The following KIAA1549L variants were observed in gnomAD, a reference collection of about 807,000 sequenced individuals.
KIAA1549L encodes UPF0606 protein KIAA1549L.
A neutral mutation model predicts 160.7 loss-of-function variants in KIAA1549L; 88 were observed. That is an observed-to-expected ratio of 0.55 (90% CI 0.46 to 0.65). KIAA1549L has a LOEUF of 0.65. KIAA1549L is among the 30% of genes least tolerant of loss of function. The pLI is 0.00. For missense variants in KIAA1549L, 2,258 were observed against 2,437.5 expected (o/e 0.93, Z 1.55); for synonymous variants, 950 against 976.7 (o/e 0.97, Z 0.51).
chr11:33,602,064 ATAATAC>A (rs1850380677), intron 13 of KIAA1549L, among the ~76,000 whole-genome samples: 1 of 152,244 alleles, frequency 6.6e-6, no homozygotes, highest in Admixed American at 6.5e-5. Context: ...ATTTTTGAAA[ATAATAC>A]ATATCTTTGC....
At chr11:33,474,628 C>T (rs1176075306) in intron 1 of KIAA1549L, among the ~76,000 whole-genome samples, 1 of 152,190 alleles carries the variant, frequency 6.6e-6, no homozygotes, top group Non-Finnish European at 1.5e-5. Flanking sequence ...TTTAACTGCC[C>T]CTTGGGCTCC....
chr11:33,654,060 A>G (rs1346892279), intron 17 of KIAA1549L, among the ~76,000 whole-genome samples: 1 of 151,990 alleles, frequency 6.6e-6, no homozygotes, highest in Admixed American at 6.5e-5. Context: ...GCAACCCCCA[A>G]CTTCTGGATT....
At position 33,665,192 on chromosome 11, in the gene KIAA1549L, T is replaced by A. The variant is rs1050440609; in HGVS notation, c.6160-2681T>A. The A allele has an allele frequency of 2.6e-5, 4 of 152,348 alleles. No individual in the cohort carries two copies. The East Asian group carries it at 7.7e-4, about 29-fold the overall frequency. The allele number at this position is 152,348 out of a possible 1,614,324, so 9.4% of individuals were successfully genotyped here. On this transcript the variant is annotated intron_variant, in intron 20 of 20. Coordinates refer to ENST00000658780, the MANE Select transcript of KIAA1549L (RefSeq NM_012194.3). The stretch of plus-strand genomic sequence containing the variant: ...GTTCTTGTCCTGGGTCCAGGAAGAA[T>A]AAGGTATGCAGACACATGAAAGGTG...
chr11:33,505,146 G>A (rs1189052512), intron 1 of KIAA1549L, among the ~76,000 whole-genome samples: 2 of 152,216 alleles, frequency 1.3e-5, no homozygotes, highest in African/African-American at 2.4e-5. Flanking sequence ...TCTAACAATA[G>A]CACTCTGAAG....
At chr11:33,611,361 CTT>C (rs1217339151) in intron 15 of KIAA1549L, among the ~76,000 whole-genome samples, 1 of 152,184 alleles carries the variant, frequency 6.6e-6, no homozygotes, top group East Asian at 1.9e-4. Context: ...GCAAAAATGA[CTT>C]TGTGACAGGC....
intron 1 of KIAA1549L, among the ~76,000 whole-genome samples, chr11:33,529,474 T>A (rs1430683743): frequency 2.6e-5 from 4 of 152,236 alleles, no homozygotes; most frequent in Admixed American, 2.6e-4. Flanking sequence ...ATGTTCCAAA[T>A]ACTCTTAAAG....
chr11:33,552,335 C>A, intron 6 of KIAA1549L, 94 bp downstream of exon 6: 1 of 1,348,762 alleles, frequency 7.4e-7, no homozygotes, highest in Non-Finnish European at 1.0e-6. Flanking sequence ...TTCAGAGCTA[C>A]CATGTATAAA....
chr11:33,589,467 G>A (rs1044160671), intron 11 of KIAA1549L, among the ~76,000 whole-genome samples: 8 of 152,334 alleles, frequency 5.3e-5, no homozygotes, highest in African/African-American at 1.7e-4. Context: ...GCATACGTAT[G>A]TTTATTGCGG....
rs1275507049 is a variant in KIAA1549L, at chr11:33,376,776, G to C, written c.125G>C (p.Gly42Ala). The C allele has an allele frequency of 6.6e-6, 1 of 151,816 alleles. No individual in the cohort carries two copies. Among genetic ancestry groups the C allele is most frequent in the Non-Finnish European group, 1.5e-5 (1 of 68,042 alleles). 9.4% of individuals were successfully genotyped at this position (151,816 alleles called of 1,614,324 possible). A position where few individuals can be genotyped will look rare whatever the true frequency, so the allele number is the denominator to read the frequency against. ...GCCTGGGGAGCCGCGCGCTGCACGG[G>C]TGTGAGGGGCCCCGGGGCCGGCGCG... is the stretch of plus-strand genomic sequence containing the variant. The part of the protein sequence containing the change: ...RAAWGAARCT[G>A]VRGPGAGASH... Residue 42 changes from glycine to alanine, a missense_variant, in exon 1 of 21, where the codon GGT becomes GCT. Gly to Ala is a moderately conservative substitution (Grantham distance 60). Coordinates refer to ENST00000658780, the MANE Select transcript of KIAA1549L (RefSeq NM_012194.3). The surrounding 1 kb of genome is among the most constrained non-coding windows in gnomAD (Gnocchi z 5.8).
intron 1 of KIAA1549L, among the ~76,000 whole-genome samples, chr11:33,487,439 T>C (rs1852555842): frequency 6.7e-6 from 1 of 149,126 alleles, no homozygotes; most frequent in African/African-American, 2.5e-5. Flanking sequence ...TATTCTTGTA[T>C]CCTTAGCAGC....
At chr11:33,585,414 AG>A (rs1368506788) in intron 11 of KIAA1549L, among the ~76,000 whole-genome samples, 1 of 152,168 alleles carries the variant, frequency 6.6e-6, no homozygotes, top group East Asian at 1.9e-4. Context: ...GCTACTCAGG[AG>A]GCTGAGGCAG....
intron 12 of KIAA1549L, among the ~76,000 whole-genome samples, chr11:33,592,118 G>A (rs557291859): frequency 4.6e-5 from 7 of 152,200 alleles, no homozygotes; most frequent in Admixed American, 1.3e-4. Flanking sequence ...GGAGAGAAAA[G>A]GGACAGGTTT....
chr11:33,643,343 A>ACTAC (rs1202885116), intron 16 of KIAA1549L, among the ~76,000 whole-genome samples: 1 of 152,230 alleles, frequency 6.6e-6, no homozygotes, highest in South Asian at 2.1e-4. Context: ...CACCCCCAGT[A>ACTAC]CTACCCCACC....
At position 33,557,863 on chromosome 11, in the gene KIAA1549L, C is replaced by T. The variant is rs74509434; in HGVS notation, c.3856-1886C>T. On this transcript the variant is annotated intron_variant, in intron 6 of 20. Coordinates refer to ENST00000658780, the MANE Select transcript of KIAA1549L (RefSeq NM_012194.3). ...AATAAGGTCACTGCACTTCAGTCTG[C>T]GGGACAGAGTGAGACCCTGTCTCTA... Among the ~76,000 whole-genome samples the T allele has an allele frequency of 7.3e-5, 11 of 151,396 alleles. No individual in the cohort carries two copies. In the South Asian group the frequency reaches 8.4e-4, roughly 12 times the overall value.
At chr11:33,605,145 A>G (rs1850464441) in intron 13 of KIAA1549L, among the ~76,000 whole-genome samples, 1 of 145,416 alleles carries the variant, frequency 6.9e-6, no homozygotes, top group Non-Finnish European at 1.5e-5. Flanking sequence ...GGTGGAAGTC[A>G]TGAGTTTTTG....
intron 1 of KIAA1549L, among the ~76,000 whole-genome samples, chr11:33,493,718 T>G (rs1852750851): frequency 6.6e-6 from 1 of 152,274 alleles, no homozygotes; most frequent in South Asian, 2.1e-4. Flanking sequence ...TTTGGGGAAC[T>G]ACCTCTTCCC....
At chr11:33,436,825 A>G (rs1851390724) in intron 1 of KIAA1549L, among the ~76,000 whole-genome samples, 1 of 152,186 alleles carries the variant, frequency 6.6e-6, no homozygotes, top group South Asian at 2.1e-4. Context: ...GAAGGGCAGG[A>G]AAGGGGAGAA....
At chr11:33,541,515 G>A (rs2133171378) in intron 1 of KIAA1549L, among the ~76,000 whole-genome samples, 1 of 152,296 alleles carries the variant, frequency 6.6e-6, no homozygotes. Flanking sequence ...CACAGTCCAC[G>A]CCTTGTAGGT....
intron 15 of KIAA1549L, among the ~76,000 whole-genome samples, chr11:33,615,993 CT>C (rs1850798387): frequency 6.6e-6 from 1 of 152,116 alleles, no homozygotes; most frequent in Non-Finnish European, 1.5e-5. Flanking sequence ...TAAAGGAAGC[CT>C]CTAATTGCAG....
Sources: allele counts gnomAD v4.1 joint callset (sites outside exome capture counted in the v4.1 genomes callset), GRCh38; gene constraint gnomAD v4.1.1; non-coding constraint Gnocchi (gnomAD v3.1); transcripts MANE v1.5; gene names NCBI Gene and HGNC (gene_info 2026-07-23, HGNC 2026-07-21).